Variants in TENM3 observed in about 807,000 individuals in gnomAD.
The protein encoded by TENM3 is teneurin-3.
TENM3 carries 63 observed loss-of-function variants against 255.1 expected under a neutral mutation model. The ratio of observed to expected loss-of-function variants is 0.25; its 90% CI spans 0.20 to 0.30. The LOEUF (loss-of-function observed/expected upper bound fraction) is 0.30, where lower values mean the gene tolerates loss of function less well. Among genes scored for constraint, TENM3 ranks in the 10% least tolerant of loss-of-function variants. The pLI is 1.00. For missense variants in TENM3, 2,929 were observed against 3,461.1 expected, an observed-to-expected ratio of 0.85 and a Z score of 3.86; for synonymous variants, 1,306 against 1,322.3, an observed-to-expected ratio of 0.99 and a Z score of 0.27.
intron 22 of TENM3, among the ~76,000 whole-genome samples, chr4:182,755,806 C>G (rs1762703349): frequency 6.6e-6 from 1 of 152,102 alleles, no homozygotes; most frequent in African/African-American, 2.4e-5. Flanking sequence ...CGCCACTGCA[C>G]TCCAGTCTCT....
At chr4:181,630,225 T>G in the TENM3 span, among the ~76,000 whole-genome samples, 1 of 152,224 alleles carries the variant, frequency 6.6e-6, no homozygotes, top group Admixed American at 6.5e-5. Context: ...GATTCTTCTC[T>G]CTTTACATCT....
chr4:182,420,574 C>T (rs1770756102), intron 3 of TENM3, among the ~76,000 whole-genome samples: 1 of 152,230 alleles, frequency 6.6e-6, no homozygotes. Context: ...AATTTTTCCA[C>T]TGTAATACTT....
At chr4:182,265,945 G>A (rs1759215309) in intron 1 of TENM3, among the ~76,000 whole-genome samples, 1 of 152,176 alleles carries the variant, frequency 6.6e-6, no homozygotes, top group Non-Finnish European at 1.5e-5. Flanking sequence ...TTTGCTAAAT[G>A]CTTTAAGGTC....
the TENM3 span, among the ~76,000 whole-genome samples, chr4:181,629,731 G>A: frequency 3.9e-5 from 6 of 152,212 alleles, no homozygotes; most frequent in East Asian, 3.9e-4. Context: ...TGCTGGATTC[G>A]GTTTGCCAGT....
intron 1 of TENM3, among the ~76,000 whole-genome samples, chr4:182,179,779 A>G (rs1752731835): frequency 1.3e-5 from 2 of 152,210 alleles, no homozygotes; most frequent in Admixed American, 6.5e-5. Flanking sequence ...TGTCTTCTAA[A>G]TATTGTTTAT....
chr4:181,844,528 A>G, the TENM3 span, among the ~76,000 whole-genome samples: 3,165 of 151,638 alleles, frequency 0.021, 51 homozygotes, highest in Middle Eastern at 0.041. Flanking sequence ...ATTAGCCGGG[A>G]GTGGTGGCGG....
At chr4:181,614,658 G>A in the TENM3 span, among the ~76,000 whole-genome samples, 2 of 152,220 alleles carry the variant, frequency 1.3e-5, no homozygotes, top group African/African-American at 2.4e-5. Context: ...TGAAGGGTGA[G>A]CAGTCTTTGT....
At chr4:182,522,490 A>G (rs1738683571) in intron 3 of TENM3, among the ~76,000 whole-genome samples, 1 of 152,158 alleles carries the variant, frequency 6.6e-6, no homozygotes, top group African/African-American at 2.4e-5. Context: ...CTCCACCTCC[A>G]TCCATGTTGT....
intron 22 of TENM3, among the ~76,000 whole-genome samples, chr4:182,768,322 G>C (rs1480367005): frequency 6.6e-6 from 1 of 152,204 alleles, no homozygotes; most frequent in Non-Finnish European, 1.5e-5. Context: ...GAAAGTTTTC[G>C]AGAACTGCAA....
chr4:182,056,850 G>A, the TENM3 span, among the ~76,000 whole-genome samples: 116 of 152,052 alleles, frequency 7.6e-4, no homozygotes, highest in Non-Finnish European at 1.3e-3. Flanking sequence ...AGGAGCTGGG[G>A]AGGAAGAATA....
In TENM3 at chr4:182,731,409, G is replaced by A. The variant is rs373353716; in HGVS notation, c.2967+270G>A. ...TGTAGTCCCAGCTACTTGGGAGGCTGAGGCAGGAGAATCGCTTGAACCCAG... is the reference window on the plus strand; with the variant it reads ...TGTAGTCCCAGCTACTTGGGAGGCTAAGGCAGGAGAATCGCTTGAACCCAG... On this transcript the variant is annotated intron_variant, in intron 16 of 27. Transcript: ENST00000511685. Among the ~76,000 whole-genome samples the A allele has an allele frequency of 1.1e-4, 16 of 152,000 alleles. 1 individual carries two copies. The highest frequency in any genetic ancestry group is 8.5e-4 in the Admixed American group (13 of 15,262).
the TENM3 span, among the ~76,000 whole-genome samples, chr4:181,782,456 C>T: frequency 2.0e-5 from 3 of 152,084 alleles, no homozygotes; most frequent in Non-Finnish European, 2.9e-5. Flanking sequence ...TCTGTGGGAT[C>T]GGTGGTGATA....
At chr4:182,059,763 GA>G in the TENM3 span, among the ~76,000 whole-genome samples, 10,718 of 85,720 alleles carry the variant, frequency 0.13, 503 homozygotes, top group African/African-American at 0.19. Context: ...AAAAAAAAAA[GA>G]AAAAAAAAAA....
chr4:181,669,484 G>A, the TENM3 span, among the ~76,000 whole-genome samples: 7 of 152,252 alleles, frequency 4.6e-5, no homozygotes, highest in Admixed American at 3.9e-4. Context: ...TACAGCTTAT[G>A]TGGGGCATTC....
chr4:181,930,689 C>G, the TENM3 span, among the ~76,000 whole-genome samples: 1 of 152,260 alleles, frequency 6.6e-6, no homozygotes, highest in East Asian at 1.9e-4. Flanking sequence ...ATCCTGATAC[C>G]AAAACCTGGC....
intron 3 of TENM3, among the ~76,000 whole-genome samples, chr4:182,373,108 C>T (rs1252866322): frequency 6.6e-6 from 1 of 152,180 alleles, no homozygotes; most frequent in Non-Finnish European, 1.5e-5. Context: ...ATACCTGTCA[C>T]CTCTTTGACC....
At chr4:181,994,564 T>G in the TENM3 span, among the ~76,000 whole-genome samples, 52 of 149,944 alleles carry the variant, frequency 3.5e-4, no homozygotes, top group African/African-American at 1.2e-3. Flanking sequence ...GTTTTTTTTT[T>G]TTTTTGTGAA....
chr4:182,428,038 C>G (rs902452506), intron 3 of TENM3, among the ~76,000 whole-genome samples: 46 of 151,642 alleles, frequency 3.0e-4, no homozygotes, highest in Non-Finnish European at 6.6e-4. Context: ...AAAAATGCAT[C>G]TAATGTATTT....
the TENM3 span, among the ~76,000 whole-genome samples, chr4:181,989,727 A>C: frequency 6.6e-6 from 1 of 152,176 alleles, no homozygotes; most frequent in Admixed American, 6.6e-5. Flanking sequence ...TTACCAATCG[A>C]CTTGGATGCA....
Sources: gnomAD v4.1 joint callset for allele counts (sites outside exome capture counted in the v4.1 genomes callset) on GRCh38, gnomAD v4.1.1 for gene constraint, MANE v1.5 for transcripts, NCBI Gene and HGNC (gene_info 2026-07-23, HGNC 2026-07-21) for gene names.